ADORA2A: variants seen among roughly 807,000 people sequenced by gnomAD.
ADORA2A encodes the protein adenosine receptor A2a.
In ADORA2A, 11 loss-of-function variants were observed where a neutral mutation model predicts 18.4. The observed-to-expected ratio is 0.60, with a 90% CI of 0.38 to 0.99. The LOEUF (loss-of-function observed/expected upper bound fraction) is 0.99, where lower values mean the gene tolerates loss of function less well. Ranked by LOEUF, ADORA2A falls within the 50% of genes least tolerant of loss-of-function variation. The pLI, the probability that ADORA2A is intolerant of heterozygous loss-of-function variation, is 0.01. For synonymous variants in ADORA2A, 218 were observed against 237.3 expected (o/e 0.92, Z 0.75); for missense variants, 449 against 556.1 (o/e 0.81, Z 1.94).
chr22:24,425,169 G>T (rs1173917867), upstream of ADORA2A, among the ~76,000 whole-genome samples: 1 of 152,094 alleles, frequency 6.6e-6, no homozygotes, highest in African/African-American at 2.4e-5. Context: ...TCCATGACGC[G>T]CCAGGGCTGC....
chr22:24,432,220 A>AC (rs1246231168), intron 1 of ADORA2A: 1 of 152,606 alleles, frequency 6.6e-6, no homozygotes, highest in Non-Finnish European at 1.5e-5. Context: ...TGGCAGGGGC[A>AC]CCTGGAGGCA....
chr22:24,426,210 G>A (rs749755399), upstream of ADORA2A, among the ~76,000 whole-genome samples: 2 of 152,192 alleles, frequency 1.3e-5, 1 homozygote, highest in Admixed American at 1.3e-4. Flanking sequence ...CCCTCTCACA[G>A]ACCTAATACC....
chr22:24,424,431 G>C (rs924024264), upstream of ADORA2A: 7 of 152,224 alleles, frequency 4.6e-5, no homozygotes, highest in Non-Finnish European at 7.3e-5. The surrounding 1 kb of genome is among the most constrained non-coding windows in gnomAD (Gnocchi z 4.9). Flanking sequence ...ATGAACCTTC[G>C]CGAGCTCCTC....
At chr22:24,434,412 C>T (rs2043123855) in intron 2 of ADORA2A, among the ~76,000 whole-genome samples, 1 of 152,210 alleles carries the variant, frequency 6.6e-6, no homozygotes. Flanking sequence ...TATGGTGAAT[C>T]TTTTGTGAAG....
chr22:24,440,508 G>C, intron 2 of ADORA2A, 75 bp from the exon 3 acceptor site: 1 of 1,422,744 alleles, frequency 7.0e-7, no homozygotes, highest in Non-Finnish European at 9.5e-7. Context: ...AACGGGTGCT[G>C]CTCTGGGGTT....
chr22:24,427,379 C>T (rs866976195), upstream of ADORA2A, among the ~76,000 whole-genome samples: 3 of 152,186 alleles, frequency 2.0e-5, no homozygotes, highest in South Asian at 2.1e-4. Flanking sequence ...CATTGTGAGG[C>T]CCTGCACCCA....
intron 2 of ADORA2A, 104 bp downstream of exon 2, chr22:24,433,840 G>A: frequency 1.5e-6 from 2 of 1,339,302 alleles, no homozygotes; most frequent in Non-Finnish European, 1.0e-6. Context: ...GGTCTGCAGT[G>A]TCAGCATGGT....
In ADORA2A at chr22:24,431,505, C is replaced by A. The variant is rs994723107; in HGVS notation, c.-274-1626C>A. ...GGGGAGCCTGGCCCTTTGAACAGGG[C>A]TCAGGACCAGGAGTGACTTCCTCTC... On this transcript the variant is annotated intron_variant, in intron 1 of 2. Coordinates refer to ENST00000337539, the MANE Select transcript of ADORA2A (RefSeq NM_000675.6). 7.9e-5 allele frequency: 36 copies of A among 456,718 alleles called. 1 individual carries two copies. The highest frequency in any genetic ancestry group is 7.0e-4 in the African/African-American group (35 of 50,068). The allele number at this position is 456,718 out of a possible 1,614,324, so 28.3% of individuals were successfully genotyped here.
Position 24,433,189 on chromosome 22 carries a change from G to C in ADORA2A, c.-216G>C. 1 of 594,770 alleles carries C rather than the reference G, an allele frequency of 1.7e-6. No individual in the cohort carries two copies. The highest frequency in any genetic ancestry group is 3.0e-6 in the Non-Finnish European group (1 of 333,992). The allele number at this position is 594,770 out of a possible 1,614,324, so 36.8% of individuals were successfully genotyped here. On this transcript the variant is annotated 5_prime_UTR_variant, in exon 2 of 3. Coordinates refer to ENST00000337539, the MANE Select transcript of ADORA2A (RefSeq NM_000675.6). The stretch of plus-strand genomic sequence containing the variant: ...TGATGCTGCTGCCAGAACCCCTGCA[G>C]AGGGCCTGGTTTCAGGAGACTCAGA...
chr22:24,437,985 T>C (rs1459420021), intron 2 of ADORA2A, among the ~76,000 whole-genome samples: 1 of 152,254 alleles, frequency 6.6e-6, no homozygotes, highest in Non-Finnish European at 1.5e-5. Flanking sequence ...CTGAGAACAG[T>C]TTGAAAACCA....
chr22:24,441,011 G>C lies in ADORA2A; in HGVS notation c.761G>C (p.Cys254Ser). The change falls in exon 3 of 3, where the codon TGC becomes TCC. Residue 254 changes from cysteine (C) to serine (S), a missense_variant. Transcript: ENST00000337539. ...TGGCTGCCCCTACACATCATCAACT[G>C]CTTCACTTTCTTCTGCCCCGACTGC... ...LCWLPLHIINCFTFFCPDCSH... is the reference protein window; with the variant it reads ...LCWLPLHIINSFTFFCPDCSH... 6.2e-7 allele frequency: 1 copy of C among 1,614,152 alleles called. No individual in the cohort carries two copies. Among genetic ancestry groups the C allele is most frequent in the Non-Finnish European group, 8.5e-7 (1 of 1,180,022 alleles).
chr22:24,440,610 G>T lies in ADORA2A; in HGVS notation c.360G>T (p.Arg120Ser). The change falls in exon 3 of 3, where the codon AGG (arginine) becomes AGT (serine). Residue 120 changes from arginine (R) to serine (S), a missense_variant. Physicochemically the swap from Arg to Ser is moderately radical, Grantham distance 110. Transcript: ENST00000337539. ...ACAATGGCTTGGTGACCGGCACGAG[G>T]GCTAAGGGCATCATTGCCATCTGCT... ...LRYNGLVTGT[R>S]AKGIIAICWV... The T allele has an allele frequency of 6.3e-7, 1 of 1,580,886 alleles. No individual in the cohort carries two copies. The highest frequency in any genetic ancestry group is 8.6e-7 in the Non-Finnish European group (1 of 1,160,534).
Position 24,433,053 on chromosome 22 carries a change from G to A in ADORA2A, c.-274-78G>A, listed in dbSNP as rs569455018. 6.2e-4 allele frequency: 229 copies of A among 370,662 alleles called. 2 individuals carry two copies. Among genetic ancestry groups the A allele is most frequent in the African/African-American group, 4.5e-3 (217 of 48,668 alleles). The allele number at this position is 370,662 out of a possible 1,614,324, so 23.0% of individuals were successfully genotyped here. On this transcript the variant is annotated intron_variant, in intron 1 of 2. Coordinates refer to ENST00000337539, the MANE Select transcript of ADORA2A (RefSeq NM_000675.6). The stretch of plus-strand genomic sequence containing the variant: ...CTATAGGGTCTTCAGGGGGCCAAGT[G>A]TGGGGTAAGGGGTGGCACTTTCCGC...
At chr22:24,426,372 C>G (rs772318705), upstream of ADORA2A, among the ~76,000 whole-genome samples, 9 of 152,194 alleles carry the variant, frequency 5.9e-5, no homozygotes, top group Non-Finnish European at 1.2e-4. Flanking sequence ...AGGCGGGAAG[C>G]ACAGGCTGAG....
At chr22:24,429,068 G>A (rs549462636) in intron 1 of ADORA2A, 2 of 152,492 alleles carry the variant, frequency 1.3e-5, no homozygotes, top group South Asian at 2.1e-4. Context: ...GCCGCACTCA[G>A]GAGCAGATGT....
intron 2 of ADORA2A, among the ~76,000 whole-genome samples, chr22:24,436,859 G>A (rs2043191476): frequency 3.3e-5 from 5 of 152,170 alleles, no homozygotes; most frequent in Admixed American, 3.3e-4. Context: ...CAAAGCCTGG[G>A]ACAAGACCCT....
At chr22:24,433,790 G>C in intron 2 of ADORA2A, 54 bp downstream of exon 2, 1 of 1,543,542 alleles carries the variant, frequency 6.5e-7, no homozygotes, top group Non-Finnish European at 8.8e-7. Flanking sequence ...CCAGGCTTTG[G>C]TCTGTGCCCG....
At chr22:24,428,235 AT>A (rs1217461925) in intron 1 of ADORA2A, among the ~76,000 whole-genome samples, 1 of 152,214 alleles carries the variant, frequency 6.6e-6, no homozygotes, top group Non-Finnish European at 1.5e-5. Context: ...AAAGCCAGTC[AT>A]AGTGGGGCCC....
chr22:24,424,132 A>G (rs1157373759), upstream of ADORA2A, among the ~76,000 whole-genome samples: 1 of 151,590 alleles, frequency 6.6e-6, no homozygotes, highest in East Asian at 1.9e-4. This position sits in a 1 kb window ranked among gnomAD's most constrained non-coding sequence, Gnocchi z 4.9. Context: ...CGCCGCCCCG[A>G]GACCAGTTCC....
Sources: gnomAD v4.1 joint callset for allele counts (sites outside exome capture counted in the v4.1 genomes callset) on GRCh38, gnomAD v4.1.1 for gene constraint, Gnocchi (gnomAD v3.1) non-coding constraint, MANE v1.5 for transcripts, NCBI Gene and HGNC (gene_info 2026-07-23, HGNC 2026-07-21) for gene names.